The following LAMB1 variants were observed in gnomAD, a reference collection of about 807,000 sequenced individuals.
The protein encoded by LAMB1 is laminin subunit beta 1, also known as laminin subunit beta-1.
In LAMB1, 121 loss-of-function variants were observed where a neutral mutation model predicts 222.3. That is an observed-to-expected ratio of 0.54 (90% CI 0.47 to 0.63). LAMB1 has a LOEUF of 0.63. LAMB1 is among the 30% of genes least tolerant of loss of function. LAMB1 has a pLI of 0.00. For missense variants in LAMB1, 2,172 were observed against 2,240.8 expected (o/e 0.97, Z 0.62); for synonymous variants, 794 against 807.2 (o/e 0.98, Z 0.28).
intron 32 of LAMB1, 85 bp from the exon 33 acceptor site, chr7:107,924,474 C>T: frequency 9.4e-7 from 1 of 1,060,290 alleles, no homozygotes; most frequent in Non-Finnish European, 1.3e-6. Context: ...TCATGGCATG[C>T]ATTCTGGATT....
chr7:107,970,483 T>C (rs1425974388), intron 13 of LAMB1, among the ~76,000 whole-genome samples: 16 of 90,338 alleles, frequency 1.8e-4, no homozygotes, highest in Admixed American at 4.4e-4. Context: ...AGCGAAACTC[T>C]GTCTCAAAAA....
intron 7 of LAMB1, among the ~76,000 whole-genome samples, chr7:107,985,615 G>A (rs566643405): frequency 1.3e-5 from 2 of 151,538 alleles, no homozygotes; most frequent in East Asian, 1.9e-4. Context: ...GGCAATAAGA[G>A]TGAAACTCCA....
chr7:107,992,570 G>A (rs573741526), intron 5 of LAMB1, among the ~76,000 whole-genome samples: 18 of 152,196 alleles, frequency 1.2e-4, no homozygotes, highest in African/African-American at 3.6e-4. Context: ...CCCACTATCC[G>A]CCAGGGCAAC....
chr7:107,926,248 C>T lies in LAMB1; in HGVS notation c.4999G>A (p.Gly1667Arg), dbSNP rs143093758. ...ELKRKAAQNS[G>R]EAEYIEKVVY... ...ACTTTTTCAATATATTCTGCCTCCCCGGAGTTTTGGGCAGCTTTCCGCTTA... is the reference window on the plus strand; with the variant it reads ...ACTTTTTCAATATATTCTGCCTCCCTGGAGTTTTGGGCAGCTTTCCGCTTA... The change falls in exon 32 of 34, where the codon GGG (glycine) becomes AGG (arginine). Residue 1667 changes from glycine to arginine, a missense_variant. Transcript: ENST00000222399. 52 of 1,613,844 alleles carry T rather than the reference C, an allele frequency of 3.2e-5. No homozygotes were observed. Among genetic ancestry groups the T allele is most frequent in the Admixed American group, 1.2e-4 (7 of 59,988 alleles).
In LAMB1 at chr7:108,002,262, G is replaced by T. The variant is rs1043604889; in HGVS notation, c.38-529C>A. 5.3e-6 allele frequency: 7 copies of T among 1,320,488 alleles called. No individual in the cohort carries two copies. In the Admixed American group the frequency reaches 9.3e-5, roughly 18 times the overall value. The allele number at this position is 1,320,488 out of a possible 1,614,324, so 81.8% of individuals were successfully genotyped here. ...GGGTCACCGGCGCTTCGCTGGGGAC[G>T]AGGCGCCGGGGCTCGCGGTGGACGC... is the stretch of plus-strand genomic sequence containing the variant. On this transcript the variant is annotated intron_variant, in intron 2 of 33. Transcript: ENST00000222399.
At position 107,923,971 on chromosome 7, in the gene LAMB1, C is replaced by G. The variant is rs753456642; in HGVS notation, c.5341G>C (p.Val1781Leu). The change falls in exon 34 of 34, where the codon GTG becomes CTG. Residue 1781 changes from valine (V) to leucine (L), a missense_variant. By Grantham distance (32) the Val-to-Leu change is conservative. Coordinates refer to ENST00000222399, the MANE Select transcript of LAMB1 (RefSeq NM_002291.3). The part of the protein sequence containing the change: ...LLKDISQKVA[V>L]YSTCL ...CTCTGTTACAAGCATGTGCTATACACAGCAACTTTCTGGCTTATATCCTTT... is the reference window on the plus strand; with the variant it reads ...CTCTGTTACAAGCATGTGCTATACAGAGCAACTTTCTGGCTTATATCCTTT... The G allele has an allele frequency of 6.2e-7, 1 of 1,609,846 alleles. No individual in the cohort carries two copies.
rs1243253847 is a variant in LAMB1 at position 107,964,691 on chromosome 7, G to C, written c.1563-4C>G. ...CTGGCCTGACTCCGCAAAGCAACTG[G>C]AAGGGAGGAGGAGCCACATCAGCTG... On this transcript the variant is annotated splice_region_variant and splice_polypyrimidine_tract_variant and intron_variant, in intron 13 of 33. Transcript: ENST00000222399. The C allele has an allele frequency of 6.2e-7, 1 of 1,614,032 alleles. No homozygotes were observed. Among genetic ancestry groups the C allele is most frequent in the East Asian group, 2.2e-5 (1 of 44,884 alleles).
intron 5 of LAMB1, among the ~76,000 whole-genome samples, chr7:107,993,828 C>T (rs1584540602): frequency 6.6e-6 from 1 of 152,180 alleles, no homozygotes; most frequent in East Asian, 1.9e-4. Flanking sequence ...ACTCTCAATA[C>T]CAGGTGTCAC....
intron 16 of LAMB1, 99 bp downstream of exon 16, chr7:107,961,450 T>C: frequency 1.9e-6 from 3 of 1,575,802 alleles, no homozygotes; most frequent in Non-Finnish European, 2.6e-6. Context: ...GCAGTCAACG[T>C]CTGGCTCTGA....
intron 14 of LAMB1, among the ~76,000 whole-genome samples, chr7:107,963,410 C>G (rs1024826650): frequency 6.6e-6 from 1 of 152,148 alleles, no homozygotes; most frequent in African/African-American, 2.4e-5. Flanking sequence ...AGGTGCTTCC[C>G]AGATTCTCCA....
chr7:107,964,484 A>G (rs2033583918), intron 14 of LAMB1, 68 bp downstream of exon 14: 2 of 1,582,038 alleles, frequency 1.3e-6, no homozygotes, highest in East Asian at 4.5e-5. Flanking sequence ...GGGTCTTTAC[A>G]AAGCATGTAT....
intron 27 of LAMB1, among the ~76,000 whole-genome samples, chr7:107,934,027 G>C (rs1222274603): frequency 6.6e-6 from 1 of 152,084 alleles, no homozygotes; most frequent in Non-Finnish European, 1.5e-5. Flanking sequence ...AGGAATCAAT[G>C]CTGAAGGGAA....
intron 5 of LAMB1, among the ~76,000 whole-genome samples, chr7:107,991,743 T>C (rs912308910): frequency 3.9e-5 from 6 of 151,920 alleles, no homozygotes; most frequent in Non-Finnish European, 7.4e-5. Flanking sequence ...ACCCTGTCTC[T>C]ACTAAAAATA....
At chr7:107,925,009 G>A (rs2032526764) in intron 32 of LAMB1, among the ~76,000 whole-genome samples, 1 of 152,116 alleles carries the variant, frequency 6.6e-6, no homozygotes, top group African/African-American at 2.4e-5. Context: ...TATGCAAAAT[G>A]CCCTGAAGCA....
intron 7 of LAMB1, 120 bp from the exon 8 acceptor site, chr7:107,980,931 C>T: frequency 1.6e-6 from 1 of 626,448 alleles, no homozygotes; most frequent in Non-Finnish European, 2.8e-6. Context: ...TTAAGTTCCT[C>T]CTCTTGTATG....
At chr7:107,924,188 C>T (rs760568543) in intron 33 of LAMB1, 42 bp downstream of exon 33, 1 of 1,566,130 alleles carries the variant, frequency 6.4e-7, no homozygotes, top group South Asian at 1.2e-5. Flanking sequence ...CTATGGATGC[C>T]TTAAAGTAAT....
chr7:107,926,304 ATGCGCTGGGACGCGT>A lies in LAMB1; in HGVS notation c.4928_4942del (p.Asn1643_Arg1647del). On this transcript the variant is annotated inframe_deletion, in exon 32 of 34. Transcript: ENST00000222399. ...TTCCACATTCCTCTCTAACTCGCTG[ATGCGCTGGGACGCGT>A]TGAACAAGGTTTCCTCAGAAGCTGC... 1 of 1,613,996 alleles carries A rather than the reference ATGCGCTGGGACGCGT, an allele frequency of 6.2e-7. No individual in the cohort carries two copies. Among genetic ancestry groups the A allele is most frequent in the Non-Finnish European group, 8.5e-7 (1 of 1,179,888 alleles).
chr7:107,979,104 A>G (rs2033924161), intron 8 of LAMB1, among the ~76,000 whole-genome samples: 1 of 152,244 alleles, frequency 6.6e-6, no homozygotes, highest in African/African-American at 2.4e-5. Context: ...GGCCTGAATC[A>G]ACAGCACATG....
chr7:107,973,549 T>C (rs947274705), intron 12 of LAMB1, among the ~76,000 whole-genome samples: 1 of 152,190 alleles, frequency 6.6e-6, no homozygotes, highest in Admixed American at 6.5e-5. Context: ...ATCAGATCTT[T>C]AGAGCACCAG....
Sources: allele counts gnomAD v4.1 joint callset (sites outside exome capture counted in the v4.1 genomes callset), GRCh38; gene constraint gnomAD v4.1.1; transcripts MANE v1.5; gene names NCBI Gene and HGNC (gene_info 2026-07-23, HGNC 2026-07-21).